Variants in MACROD2 observed in about 807,000 individuals in gnomAD.
The protein encoded by MACROD2 is mono-ADP ribosylhydrolase 2.
Under a neutral mutation model 70.4 loss-of-function variants are expected in MACROD2, and 36 were observed. The ratio of observed to expected loss-of-function variants is 0.51; its 90% CI spans 0.39 to 0.68. The LOEUF is 0.68. MACROD2 is among the 30% of genes least tolerant of loss of function. The pLI is 0.00. For synonymous variants in MACROD2, 172 were observed against 178.8 expected (o/e 0.96, Z 0.30); for missense variants, 496 against 538.4 (o/e 0.92, Z 0.78).
chr20:15,512,266 T>C (rs2047509631), intron 8 of MACROD2, among the ~76,000 whole-genome samples: 1 of 152,212 alleles, frequency 6.6e-6, no homozygotes, highest in Non-Finnish European at 1.5e-5. Flanking sequence ...TCACATTAAA[T>C]ATCTTTGGGA....
chr20:15,086,448 A>T (rs1199888180), intron 5 of MACROD2, among the ~76,000 whole-genome samples: 2 of 152,166 alleles, frequency 1.3e-5, no homozygotes, highest in African/African-American at 2.4e-5. Flanking sequence ...TTATCAGATT[A>T]CCTGAGTCTC....
intron 11 of MACROD2, among the ~76,000 whole-genome samples, chr20:15,936,004 A>T (rs969338088): frequency 8.5e-5 from 13 of 152,160 alleles, no homozygotes; most frequent in Admixed American, 4.6e-4. Context: ...CTGACCTGCA[A>T]GTAATAGTAC....
At chr20:14,092,617 T>C (rs1272002996) in intron 3 of MACROD2, among the ~76,000 whole-genome samples, 1 of 152,222 alleles carries the variant, frequency 6.6e-6, no homozygotes, top group Non-Finnish European at 1.5e-5. Context: ...ATAGTACTAA[T>C]TATAAACTGC....
intron 4 of MACROD2, among the ~76,000 whole-genome samples, chr20:14,551,427 G>C (rs1318053272): frequency 6.6e-6 from 1 of 152,172 alleles, no homozygotes; most frequent in Non-Finnish European, 1.5e-5. Context: ...AATGGAATCA[G>C]ATGTAGAACA....
intron 5 of MACROD2, among the ~76,000 whole-genome samples, chr20:14,999,362 A>G (rs1399831253): frequency 6.6e-6 from 1 of 152,224 alleles, no homozygotes; most frequent in African/African-American, 2.4e-5. Flanking sequence ...TGACAGTATA[A>G]TATGTGAACA....
chr20:15,937,358 C>T, intron 11 of MACROD2, 118 bp from the exon 12 acceptor site: 1 of 847,534 alleles, frequency 1.2e-6, no homozygotes, highest in Non-Finnish European at 2.0e-6. Flanking sequence ...TGTATTCAAG[C>T]ATGCGGCAGG....
At chr20:15,879,401 C>T (rs1480086725) in intron 9 of MACROD2, among the ~76,000 whole-genome samples, 15 of 152,020 alleles carry the variant, frequency 9.9e-5, no homozygotes, top group Non-Finnish European at 4.4e-5. Flanking sequence ...AAATATGACT[C>T]AAGCAAGCAC....
intron 4 of MACROD2, among the ~76,000 whole-genome samples, chr20:14,611,452 GTTTTTTT>G (rs11473891): frequency 8.8e-6 from 1 of 113,392 alleles, no homozygotes; most frequent in African/African-American, 3.4e-5. Context: ...ATGCCCTGAG[GTTTTTTT>G]TTTTTTTTTT....
chr20:14,355,734 G>A (rs1378741025), intron 3 of MACROD2, among the ~76,000 whole-genome samples: 1 of 152,108 alleles, frequency 6.6e-6, no homozygotes, highest in Non-Finnish European at 1.5e-5. Context: ...GTATTGTTAT[G>A]CATATTTTAA....
At chr20:15,708,796 A>G (rs1405754864) in intron 8 of MACROD2, among the ~76,000 whole-genome samples, 1 of 152,036 alleles carries the variant, frequency 6.6e-6, no homozygotes, top group Non-Finnish European at 1.5e-5. Context: ...GAGCTGAGGC[A>G]GGAGGATTGT....
intron 9 of MACROD2, 125 bp downstream of exon 9, chr20:15,862,951 T>C (rs1363496165): frequency 5.8e-6 from 4 of 684,770 alleles, no homozygotes; most frequent in South Asian, 2.1e-5. Flanking sequence ...ACTTGTATCA[T>C]AGTTTCTAAG....
chr20:14,711,792 C>T (rs2071342093), intron 5 of MACROD2, among the ~76,000 whole-genome samples: 1 of 152,168 alleles, frequency 6.6e-6, no homozygotes, highest in Admixed American at 6.6e-5. Flanking sequence ...AAGCATTCCC[C>T]AGAGAGCTGT....
intron 8 of MACROD2, among the ~76,000 whole-genome samples, chr20:15,689,657 C>T (rs1041409280): frequency 2.0e-5 from 3 of 152,092 alleles, no homozygotes; most frequent in Admixed American, 6.6e-5. Flanking sequence ...AGGCAGCAGG[C>T]GAGTGAGCCC....
chr20:15,343,426 G>A (rs1011482902), intron 6 of MACROD2, among the ~76,000 whole-genome samples: 1 of 152,176 alleles, frequency 6.6e-6, no homozygotes, highest in Non-Finnish European at 1.5e-5. Context: ...ATATAAGTAA[G>A]GCAGTGATTC....
intron 5 of MACROD2, among the ~76,000 whole-genome samples, chr20:14,721,626 C>G (rs2071471462): frequency 6.6e-6 from 1 of 152,150 alleles, no homozygotes; most frequent in African/African-American, 2.4e-5. Flanking sequence ...ACCCTTTGTA[C>G]TAAAGGGGCT....
chr20:14,181,863 T>C (rs1040422837), intron 3 of MACROD2, among the ~76,000 whole-genome samples: 7 of 152,222 alleles, frequency 4.6e-5, no homozygotes, highest in African/African-American at 1.7e-4. Flanking sequence ...TATATGGCTA[T>C]ACCAAAATTT....
chr20:14,634,298 A>G (rs977433310), intron 4 of MACROD2, among the ~76,000 whole-genome samples: 1 of 152,234 alleles, frequency 6.6e-6, no homozygotes, highest in Non-Finnish European at 1.5e-5. Flanking sequence ...ACACTGAATG[A>G]GCAAAGATGA....
chr20:15,571,370 T>A (rs1193172016), intron 8 of MACROD2, among the ~76,000 whole-genome samples: 1 of 152,102 alleles, frequency 6.6e-6, no homozygotes, highest in Non-Finnish European at 1.5e-5. Context: ...ATTTTACAGA[T>A]GTATCTCTGT....
At chr20:16,011,625 C>CAAGCCCGAGT (rs1228913500) in intron 15 of MACROD2, among the ~76,000 whole-genome samples, 1 of 152,138 alleles carries the variant, frequency 6.6e-6, no homozygotes, top group Non-Finnish European at 1.5e-5. Flanking sequence ...AGCTCAAGCG[C>CAAGCCCGAGT]AAGCCCGAGT....
Sources: gnomAD v4.1 joint callset for allele counts (sites outside exome capture counted in the v4.1 genomes callset) on GRCh38, gnomAD v4.1.1 for gene constraint, MANE v1.5 for transcripts, NCBI Gene and HGNC (gene_info 2026-07-23, HGNC 2026-07-21) for gene names.